EFCAB5: variants seen among roughly 807,000 people sequenced by gnomAD.
EFCAB5 encodes the protein EF-hand calcium-binding domain-containing protein 5.
Under a neutral mutation model 167.9 loss-of-function variants are expected in EFCAB5, and 131 were observed. That is an observed-to-expected ratio of 0.78 (90% confidence interval 0.68 to 0.90). EFCAB5 has a LOEUF of 0.90. Among genes scored for constraint, EFCAB5 ranks in the 40% least tolerant of loss-of-function variants. EFCAB5 has a pLI of 0.00. For synonymous variants in EFCAB5, 574 were observed against 602.8 expected (o/e 0.95, Z 0.70); for missense variants, 1,663 against 1,745.2 (o/e 0.95, Z 0.84).
chr17:30,025,383 G>C (rs1597688560), intron 7 of EFCAB5, among the ~76,000 whole-genome samples: 1 of 152,062 alleles, frequency 6.6e-6, no homozygotes, highest in African/African-American at 2.4e-5. Flanking sequence ...CTTCTCAAAA[G>C]AAGACATTTA....
At position 30,082,748 on chromosome 17, in the gene EFCAB5, C is replaced by T. The variant is rs530898890; in HGVS notation, c.3427-143C>T. 1.1e-5 allele frequency: 9 copies of T among 854,256 alleles called. No individual in the cohort carries two copies. The South Asian group carries it at 1.6e-4, about 16-fold the overall frequency. 52.9% of individuals were successfully genotyped at this position (854,256 alleles called of 1,614,324 possible). On this transcript the variant is annotated intron_variant, in intron 17 of 22. Transcript: ENST00000394835. ...TTAATAGTAGAATCTGGAACACTGC[C>T]CTTTGAGGACTGCTGAATAATTTGT...
intron 6 of EFCAB5, among the ~76,000 whole-genome samples, chr17:29,999,065 C>T (rs2068605962): frequency 6.6e-6 from 1 of 151,724 alleles, no homozygotes; most frequent in Non-Finnish European, 1.5e-5. Flanking sequence ...TTTGCTTGCA[C>T]CTTAAATTTT....
chr17:30,093,029 T>A (rs1394171422), intron 22 of EFCAB5, 93 bp downstream of exon 22: 1 of 952,040 alleles, frequency 1.1e-6, no homozygotes, highest in Non-Finnish European at 1.5e-6. Context: ...GGGTCATAAA[T>A]TCAGTTTTTA....
chr17:29,943,391 A>T (rs2067331271), intron 2 of EFCAB5, among the ~76,000 whole-genome samples, 174 bp from the exon 3 acceptor site: 1 of 152,208 alleles, frequency 6.6e-6, no homozygotes, highest in Admixed American at 6.5e-5. Flanking sequence ...CAGAAAATAC[A>T]CTGTGATTAC....
At chr17:29,995,378 C>G (rs915969413) in intron 5 of EFCAB5, among the ~76,000 whole-genome samples, 1 of 152,198 alleles carries the variant, frequency 6.6e-6, no homozygotes, top group African/African-American at 2.4e-5. Context: ...AAAACTGTTG[C>G]CATGACCTTT....
chr17:30,022,569 G>A (rs1407819048), intron 7 of EFCAB5, among the ~76,000 whole-genome samples: 1 of 152,162 alleles, frequency 6.6e-6, no homozygotes, highest in East Asian at 1.9e-4. Context: ...TGGGTTAAGT[G>A]TAGGAAACTC....
chr17:30,086,808 C>A (rs374862543), intron 18 of EFCAB5, among the ~76,000 whole-genome samples: 4 of 152,122 alleles, frequency 2.6e-5, no homozygotes, highest in South Asian at 4.1e-4. Flanking sequence ...AGGAGAATTG[C>A]TTGAACCCAG....
chr17:29,947,231 G>T (rs993088412), intron 3 of EFCAB5, among the ~76,000 whole-genome samples: 1 of 151,534 alleles, frequency 6.6e-6, no homozygotes, highest in African/African-American at 2.4e-5. Context: ...ATATTACTCA[G>T]CCATAAAAAA....
intron 7 of EFCAB5, among the ~76,000 whole-genome samples, chr17:30,028,029 T>C (rs1018173510): frequency 2.0e-5 from 3 of 152,172 alleles, no homozygotes; most frequent in African/African-American, 7.2e-5. Context: ...GGGATTCAGA[T>C]ATTGACTTTT....
intron 14 of EFCAB5, among the ~76,000 whole-genome samples, chr17:30,067,401 G>T (rs2070602816): frequency 6.6e-6 from 1 of 152,054 alleles, no homozygotes; most frequent in African/African-American, 2.4e-5. Context: ...GCTCACTTGA[G>T]CCCAATAGTT....
At chr17:30,103,877 C>T (rs1284496807) in intron 22 of EFCAB5, among the ~76,000 whole-genome samples, 6 of 152,058 alleles carry the variant, frequency 3.9e-5, no homozygotes, top group Middle Eastern at 3.2e-3. Flanking sequence ...ATTAGCCAGG[C>T]GTGCATGCCT....
At chr17:29,988,585 A>G (rs2068340790) in intron 4 of EFCAB5, among the ~76,000 whole-genome samples, 1 of 152,250 alleles carries the variant, frequency 6.6e-6, no homozygotes, top group Admixed American at 6.5e-5. Flanking sequence ...TTAATTTCAA[A>G]AATTGAAACA....
At chr17:30,028,861 C>A (rs2069402093) in intron 7 of EFCAB5, among the ~76,000 whole-genome samples, 1 of 152,088 alleles carries the variant, frequency 6.6e-6, no homozygotes, top group African/African-American at 2.4e-5. Flanking sequence ...GTCTTTAAGT[C>A]CAAATTTCCT....
At chr17:30,048,513 G>A (rs954543832) in intron 8 of EFCAB5, among the ~76,000 whole-genome samples, 2 of 140,734 alleles carry the variant, frequency 1.4e-5, no homozygotes, top group Non-Finnish European at 1.5e-5. Flanking sequence ...TTTCTTTTGT[G>A]AGACAGAGTC....
At chr17:30,011,274 T>A (rs1180015566) in intron 7 of EFCAB5, among the ~76,000 whole-genome samples, 11 of 152,188 alleles carry the variant, frequency 7.2e-5, no homozygotes, top group Admixed American at 3.3e-4. Flanking sequence ...CTTAGGATTG[T>A]CTTGGCGATG....
chr17:30,061,082 C>T (rs2070412537), intron 14 of EFCAB5, among the ~76,000 whole-genome samples: 1 of 152,122 alleles, frequency 6.6e-6, no homozygotes, highest in South Asian at 2.1e-4. Flanking sequence ...TAAGGTATAG[C>T]AATAGGGACA....
chr17:30,026,921 C>G (rs1387879955), intron 7 of EFCAB5, among the ~76,000 whole-genome samples: 1 of 115,044 alleles, frequency 8.7e-6, no homozygotes, highest in East Asian at 3.1e-4. Flanking sequence ...TTTTAAAAGA[C>G]AAAAGGAGGT....
intron 3 of EFCAB5, among the ~76,000 whole-genome samples, chr17:29,968,182 AC>A (rs1229430589): frequency 6.6e-6 from 1 of 152,062 alleles, no homozygotes; most frequent in African/African-American, 2.4e-5. Context: ...AGCCTTCCCT[AC>A]CTTTTTGCCT....
At chr17:29,967,626 G>T (rs1437267731) in intron 3 of EFCAB5, among the ~76,000 whole-genome samples, 1 of 152,072 alleles carries the variant, frequency 6.6e-6, no homozygotes, top group South Asian at 2.1e-4. Flanking sequence ...CCTGACTCCT[G>T]AAGGCCCCCT....
Sources: gnomAD v4.1 joint callset for allele counts (sites outside exome capture counted in the v4.1 genomes callset) on GRCh38, gnomAD v4.1.1 for gene constraint, MANE v1.5 for transcripts, NCBI Gene and HGNC (gene_info 2026-07-23, HGNC 2026-07-21) for gene names.